Variants in GRIN2A observed in about 807,000 individuals in gnomAD.
The protein encoded by GRIN2A is glutamate receptor ionotropic, NMDA 2A.
In GRIN2A, 22 loss-of-function variants were observed where a neutral mutation model predicts 113.4. The ratio of observed to expected loss-of-function variants is 0.19; its 90% CI spans 0.14 to 0.28. The LOEUF (loss-of-function observed/expected upper bound fraction) is 0.28. Among genes scored for constraint, GRIN2A ranks in the 10% least tolerant of loss-of-function variants. The probability of loss-of-function intolerance (pLI) is 1.00; values close to 1 mark genes in which losing one functional copy is unlikely to be tolerated. For synonymous variants in GRIN2A, 827 were observed against 738.4 expected (o/e 1.12, Z -1.94); for missense variants, 1,502 against 1,887.0 (o/e 0.80, Z 3.78).
intron 2 of GRIN2A, among the ~76,000 whole-genome samples, chr16:10,015,800 G>A (rs1412724491): frequency 6.6e-6 from 1 of 152,188 alleles, no homozygotes; most frequent in Middle Eastern, 3.2e-3. Context: ...CACCATCAGT[G>A]TGGGAAATGG....
Position 9,763,727 on chromosome 16 carries a change from G to C in GRIN2A, c.3817C>G (p.Gln1273Glu), listed in dbSNP as rs762745084. 1.2e-6 allele frequency: 2 copies of C among 1,614,060 alleles called. No individual in the cohort carries two copies. Among genetic ancestry groups the C allele is most frequent in the African/African-American group, 1.3e-5 (1 of 75,030 alleles). Residue 1273 changes from glutamine to glutamate, a missense_variant, in exon 13 of 13, where the codon CAG becomes GAG. Transcript: ENST00000330684. ...TTTTGTAATTGAAGGGCATTGTTCTGTGCCCAGTCCTGCTGGTAGACCTGC... is the reference window on the plus strand; with the variant it reads ...TTTTGTAATTGAAGGGCATTGTTCTCTGCCCAGTCCTGCTGGTAGACCTGC... ...GEQVYQQDWA[Q>E]NNALQLQKNK...
chr16:9,935,849 G>A (rs573735325), intron 3 of GRIN2A, among the ~76,000 whole-genome samples: 1 of 152,088 alleles, frequency 6.6e-6, no homozygotes, highest in African/African-American at 2.4e-5. Flanking sequence ...TCACAGGCAT[G>A]CTCTACCACA....
At chr16:10,129,524 G>A (rs963869526) in intron 2 of GRIN2A, among the ~76,000 whole-genome samples, 5 of 152,138 alleles carry the variant, frequency 3.3e-5, no homozygotes, top group Non-Finnish European at 2.9e-5. Flanking sequence ...TGTTTGAGAC[G>A]AAACTTGAAT....
At chr16:9,954,105 T>C (rs1034091528) in intron 2 of GRIN2A, among the ~76,000 whole-genome samples, 2 of 152,162 alleles carry the variant, frequency 1.3e-5, no homozygotes, top group African/African-American at 4.8e-5. Context: ...ACAGAGAAAC[T>C]TGTGCCAGAA....
At chr16:9,877,043 A>C (rs2043381967) in intron 4 of GRIN2A, among the ~76,000 whole-genome samples, 1 of 152,210 alleles carries the variant, frequency 6.6e-6, no homozygotes, top group Admixed American at 6.5e-5. Flanking sequence ...TCCATCATTC[A>C]TCCTAGGAAC....
chr16:10,018,295 A>G (rs2046647346), intron 2 of GRIN2A, among the ~76,000 whole-genome samples: 1 of 152,212 alleles, frequency 6.6e-6, no homozygotes. Flanking sequence ...TGTTATAAGA[A>G]TTCTGATCTC....
chr16:10,142,417 C>A (rs1319958691), intron 2 of GRIN2A, among the ~76,000 whole-genome samples: 1 of 152,188 alleles, frequency 6.6e-6, no homozygotes, highest in African/African-American at 2.4e-5. Context: ...ACGAAAGTGA[C>A]CAGGCATAGT....
chr16:9,793,486 C>G (rs749644373), intron 11 of GRIN2A, among the ~76,000 whole-genome samples: 2 of 152,034 alleles, frequency 1.3e-5, no homozygotes, highest in Non-Finnish European at 2.9e-5. Flanking sequence ...TTCTTTAAGT[C>G]CAAGGCTTAC....
chr16:9,863,313 G>C (rs1209216013), intron 4 of GRIN2A, among the ~76,000 whole-genome samples: 1 of 152,204 alleles, frequency 6.6e-6, no homozygotes, highest in Admixed American at 6.5e-5. Flanking sequence ...AATATGCACA[G>C]TCTTCCACTT....
intron 11 of GRIN2A, among the ~76,000 whole-genome samples, chr16:9,780,376 C>T (rs566414056): frequency 2.8e-4 from 42 of 152,138 alleles, no homozygotes; most frequent in African/African-American, 8.4e-4. Context: ...TAAATTTGTA[C>T]GATAAAATAC....
At chr16:10,138,180 A>T (rs920109528) in intron 2 of GRIN2A, among the ~76,000 whole-genome samples, 13 of 152,214 alleles carry the variant, frequency 8.5e-5, no homozygotes, top group Admixed American at 1.3e-4. Flanking sequence ...TCAAGCCTAA[A>T]TCATATAAGT....
intron 4 of GRIN2A, among the ~76,000 whole-genome samples, chr16:9,852,152 C>T (rs1445908535): frequency 1.3e-5 from 2 of 152,186 alleles, no homozygotes; most frequent in African/African-American, 4.8e-5. Flanking sequence ...CTTCGTAGTT[C>T]AGGAAACTGA....
intron 2 of GRIN2A, among the ~76,000 whole-genome samples, chr16:10,048,640 C>T (rs772538713): frequency 6.6e-6 from 1 of 152,210 alleles, no homozygotes; most frequent in African/African-American, 2.4e-5. Context: ...TGTCTCCAAA[C>T]ACTAACATAG....
In GRIN2A at chr16:9,762,331, G is replaced by T. The variant is rs1055279350; in HGVS notation, c.*818C>A. On this transcript the variant is annotated 3_prime_UTR_variant, in exon 13 of 13. Coordinates refer to ENST00000330684, the MANE Select transcript of GRIN2A (RefSeq NM_001134407.3). ...AATGGCCACTGTGTCACAGACAGAAGATCCACACTTAGATCTCGGAGACAT... is the reference window on the plus strand; with the variant it reads ...AATGGCCACTGTGTCACAGACAGAATATCCACACTTAGATCTCGGAGACAT... The T allele has an allele frequency of 4.4e-6, 1 of 226,830 alleles. No homozygotes were observed. The highest frequency in any genetic ancestry group is 2.2e-5 in the African/African-American group (1 of 44,938). 14.1% of individuals were successfully genotyped at this position (226,830 alleles called of 1,614,324 possible). A position where few individuals can be genotyped will look rare whatever the true frequency, so the allele number is the denominator to read the frequency against.
intron 2 of GRIN2A, among the ~76,000 whole-genome samples, chr16:9,972,096 C>G (rs2045683974): frequency 6.6e-6 from 1 of 152,098 alleles, no homozygotes. Flanking sequence ...GAATTCTTGG[C>G]ATGTATATGT....
At chr16:10,015,868 C>T (rs1286793559) in intron 2 of GRIN2A, among the ~76,000 whole-genome samples, 1 of 152,026 alleles carries the variant, frequency 6.6e-6, no homozygotes, top group African/African-American at 2.4e-5. Flanking sequence ...TAGTGGCTCA[C>T]ACTGTAATCC....
Position 9,842,335 on chromosome 16 carries a change from A to T in GRIN2A, c.1329-1231T>A, listed in dbSNP as rs116270316. 8.3e-3 allele frequency among the ~76,000 whole-genome samples: 1,261 copies of T among 152,306 alleles called. 21 individuals carry two copies. The highest frequency in any genetic ancestry group is 0.029 in the African/African-American group (1,192 of 41,560). The stretch of plus-strand genomic sequence containing the variant: ...CAAAAAGTACTTAGACAATTCACAT[A>T]AGATCAAAGCCTTTCTTCTGGGCAA... On this transcript the variant is annotated intron_variant, in intron 5 of 12. Transcript: ENST00000330684.
intron 2 of GRIN2A, among the ~76,000 whole-genome samples, chr16:10,146,894 A>G (rs1162516650): frequency 1.3e-5 from 2 of 151,992 alleles, no homozygotes; most frequent in Non-Finnish European, 2.9e-5. Flanking sequence ...GCCGCATGAG[A>G]AACGTCAGCT....
intron 2 of GRIN2A, among the ~76,000 whole-genome samples, chr16:10,019,976 ATG>A (rs1419878331): frequency 6.6e-6 from 1 of 152,248 alleles, no homozygotes; most frequent in East Asian, 1.9e-4. Flanking sequence ...GTCGTGAAAG[ATG>A]TGTTAATTAA....
Sources: gnomAD v4.1 joint callset for allele counts (sites outside exome capture counted in the v4.1 genomes callset) on GRCh38, gnomAD v4.1.1 for gene constraint, MANE v1.5 for transcripts, NCBI Gene and HGNC (gene_info 2026-07-23, HGNC 2026-07-21) for gene names.